Variants in KHDRBS2 observed in about 807,000 individuals in gnomAD.
The protein encoded by KHDRBS2 is KH domain-containing, RNA-binding, signal transduction-associated protein 2.
Under a neutral mutation model 44.3 loss-of-function variants are expected in KHDRBS2, and 26 were observed. That is an observed-to-expected ratio of 0.59 (90% CI 0.43 to 0.81). KHDRBS2 has a LOEUF of 0.81. KHDRBS2 is among the 40% of genes least tolerant of loss of function. The pLI, the probability that KHDRBS2 is intolerant of heterozygous loss-of-function variation, is 0.00. For missense variants in KHDRBS2, 476 were observed against 433.1 expected (o/e 1.10, Z -0.88); for synonymous variants, 194 against 151.1 (o/e 1.28, Z -2.08).
At position 62,264,652 on chromosome 6, in the gene KHDRBS2, T is replaced by C. The variant is rs80030243; in HGVS notation, c.91+21206A>G. Among the ~76,000 whole-genome samples the C allele has an allele frequency of 4.9e-4, 75 of 151,950 alleles. No homozygotes were observed. In the East Asian group the frequency reaches 0.012, roughly 24 times the overall value. ...TTATTATTATTGTGACATGCAATAA[T>C]TGACCGATTTTACACTTATTGAGAC... On this transcript the variant is annotated intron_variant, in intron 1 of 8. Transcript: ENST00000281156.
intron 7 of KHDRBS2, among the ~76,000 whole-genome samples, chr6:61,714,241 G>C (rs1379221745): frequency 6.6e-6 from 1 of 151,626 alleles, no homozygotes; most frequent in East Asian, 1.9e-4. Context: ...TAAAAAGTAA[G>C]CAAACACATA....
the KHDRBS2 span, among the ~76,000 whole-genome samples, chr6:61,645,020 A>AT: frequency 6.6e-6 from 1 of 152,074 alleles, no homozygotes; most frequent in African/African-American, 2.4e-5. Context: ...GCATGCCAAC[A>AT]TTCTTTGCAG....
At chr6:61,584,235 A>T in the KHDRBS2 span, among the ~76,000 whole-genome samples, 1 of 151,844 alleles carries the variant, frequency 6.6e-6, no homozygotes, top group Non-Finnish European at 1.5e-5. Context: ...CACCAGCACT[A>T]GCTCTAGCAC....
chr6:62,197,247 G>A (rs570086850), intron 1 of KHDRBS2, among the ~76,000 whole-genome samples: 20 of 152,158 alleles, frequency 1.3e-4, no homozygotes, highest in Admixed American at 9.2e-4. Context: ...TCCATCACAA[G>A]CTGATGCAAA....
At chr6:62,012,175 A>G (rs189552504) in intron 3 of KHDRBS2, among the ~76,000 whole-genome samples, 83 of 152,314 alleles carry the variant, frequency 5.4e-4, no homozygotes, top group Non-Finnish European at 2.4e-4. Context: ...GCAATTGTTC[A>G]TGTTTCCTCC....
intron 6 of KHDRBS2, among the ~76,000 whole-genome samples, chr6:61,848,511 G>GTATATATATACATATA (rs1178845054): frequency 6.7e-5 from 2 of 30,074 alleles, no homozygotes; most frequent in Non-Finnish European, 1.2e-4. Context: ...ATATATATAT[G>GTATATATATACATATA]TATATATGTA....
the KHDRBS2 span, among the ~76,000 whole-genome samples, chr6:61,607,571 C>CTT: frequency 9.1e-6 from 1 of 109,598 alleles, no homozygotes; most frequent in Non-Finnish European, 1.8e-5. Flanking sequence ...CTGTACAACT[C>CTT]TTTGCCAAAG....
the KHDRBS2 span, among the ~76,000 whole-genome samples, chr6:61,616,464 AATATAC>A: frequency 2.3e-5 from 1 of 43,436 alleles, no homozygotes; most frequent in African/African-American, 7.1e-5. Context: ...ACAATGAAAG[AATATAC>A]ATATATATAT....
chr6:62,228,375 T>C (rs1563097923), intron 1 of KHDRBS2, among the ~76,000 whole-genome samples: 1 of 152,126 alleles, frequency 6.6e-6, no homozygotes, highest in Non-Finnish European at 1.5e-5. Flanking sequence ...GATATCCCCT[T>C]TATCATTTTT....
At chr6:62,188,347 C>A (rs1823874719) in intron 1 of KHDRBS2, among the ~76,000 whole-genome samples, 1 of 152,120 alleles carries the variant, frequency 6.6e-6, no homozygotes, top group African/African-American at 2.4e-5. Context: ...CAATTCTATT[C>A]TTTGCTTCCA....
chr6:61,607,518 A>T, the KHDRBS2 span, among the ~76,000 whole-genome samples: 1 of 140,744 alleles, frequency 7.1e-6, no homozygotes, highest in African/African-American at 2.6e-5. Context: ...ATGAGTTCCA[A>T]GCAAAAAAAA....
At chr6:61,964,774 G>A (rs1191892380) in intron 4 of KHDRBS2, among the ~76,000 whole-genome samples, 2 of 152,022 alleles carry the variant, frequency 1.3e-5, no homozygotes, top group Non-Finnish European at 2.9e-5. Context: ...ACAGATGAAT[G>A]AGCCAAACAG....
chr6:61,868,811 A>G (rs900223375), intron 6 of KHDRBS2, among the ~76,000 whole-genome samples: 5 of 152,124 alleles, frequency 3.3e-5, no homozygotes, highest in African/African-American at 1.2e-4. Flanking sequence ...CCCCCTTCCA[A>G]GGGGTATTAT....
intron 6 of KHDRBS2, among the ~76,000 whole-genome samples, chr6:61,890,720 A>C (rs1801692345): frequency 6.6e-6 from 1 of 152,336 alleles, no homozygotes; most frequent in Non-Finnish European, 1.5e-5. Context: ...TCATTTAAAC[A>C]AGTCCTTATT....
At chr6:62,091,541 TAC>T (rs1331075916) in intron 2 of KHDRBS2, among the ~76,000 whole-genome samples, 2 of 152,184 alleles carry the variant, frequency 1.3e-5, no homozygotes, top group Non-Finnish European at 2.9e-5. Context: ...TGTATTTTTC[TAC>T]AGTTTCTTAA....
chr6:61,902,215 C>T (rs61383502), intron 4 of KHDRBS2, among the ~76,000 whole-genome samples: 11,719 of 152,206 alleles, frequency 0.077, 525 homozygotes, highest in Middle Eastern at 0.15. Context: ...TCCCAAAGTG[C>T]TGGGATTACA....
At chr6:62,262,996 CA>C (rs1465533020) in intron 1 of KHDRBS2, among the ~76,000 whole-genome samples, 1 of 151,600 alleles carries the variant, frequency 6.6e-6, no homozygotes, top group Non-Finnish European at 1.5e-5. Flanking sequence ...GGCAAGCAAG[CA>C]AAAAGCAAGA....
At chr6:61,638,662 G>A in the KHDRBS2 span, among the ~76,000 whole-genome samples, 5 of 152,086 alleles carry the variant, frequency 3.3e-5, no homozygotes, top group Admixed American at 3.3e-4. Flanking sequence ...TTTGATAATT[G>A]AGCTGTCATT....
chr6:61,622,011 G>C, the KHDRBS2 span, among the ~76,000 whole-genome samples: 1 of 152,180 alleles, frequency 6.6e-6, no homozygotes, highest in Non-Finnish European at 1.5e-5. Context: ...AATGAGCTTG[G>C]AAGTAGATGT....
Sources: allele counts gnomAD v4.1 joint callset (sites outside exome capture counted in the v4.1 genomes callset), GRCh38; gene constraint gnomAD v4.1.1; transcripts MANE v1.5; gene names NCBI Gene and HGNC (gene_info 2026-07-23, HGNC 2026-07-21).